CDC45: variants seen among roughly 807,000 people sequenced by gnomAD.
The protein encoded by CDC45 is cell division control protein 45 homolog.
Under a neutral mutation model 77.8 loss-of-function variants are expected in CDC45, and 54 were observed. That is an observed-to-expected ratio of 0.69 (90% CI 0.56 to 0.87). The LOEUF (loss-of-function observed/expected upper bound fraction) is 0.87, where lower values mean the gene tolerates loss of function less well. Among genes scored for constraint, CDC45 ranks in the 40% least tolerant of loss-of-function variants. The pLI is 0.00. For synonymous variants in CDC45, 260 were observed against 272.1 expected (o/e 0.96, Z 0.44); for missense variants, 649 against 721.6 (o/e 0.90, Z 1.15).
intron 12 of CDC45, 38 bp from the exon 13 acceptor site, chr22:19,508,492 C>T: frequency 6.2e-7 from 1 of 1,612,328 alleles, no homozygotes; most frequent in Non-Finnish European, 8.5e-7. Flanking sequence ...AGCTTGCCCA[C>T]AATTTGAGGG....
chr22:19,481,775 G>A (rs945810573), intron 3 of CDC45, among the ~76,000 whole-genome samples: 8 of 151,480 alleles, frequency 5.3e-5, no homozygotes, highest in Non-Finnish European at 1.2e-4. Context: ...GGGTTCAAGC[G>A]ATTCTCCTGC....
chr22:19,500,721 G>A (rs1374612213), intron 9 of CDC45, among the ~76,000 whole-genome samples: 2 of 151,864 alleles, frequency 1.3e-5, no homozygotes, highest in Non-Finnish European at 2.9e-5. Context: ...CTCCCTAAAA[G>A]CCCCAGCCCA....
chr22:19,482,814 A>G lies in CDC45; in HGVS notation c.329A>G (p.Tyr110Cys). 3 of 1,614,090 alleles carry G rather than the reference A, an allele frequency of 1.9e-6. No homozygotes were observed. Among genetic ancestry groups the G allele is most frequent in the Non-Finnish European group, 2.5e-6 (3 of 1,179,958 alleles). Residue 110 changes from tyrosine (Y) to cysteine (C), a missense_variant, in exon 4 of 19, where the codon TAC (tyrosine) becomes TGC (cysteine). By Grantham distance (194) the Tyr-to-Cys change is radical (BLOSUM62 -2). Coordinates refer to ENST00000263201, the MANE Select transcript of CDC45 (RefSeq NM_003504.5). ...AGGCCAGTCAATGTCGTCAATGTAT[A>G]CAACGATACCCAGGTACTTTTTGTG... ...THRPVNVVNVYNDTQIKLLIK... is the reference protein window; with the variant it reads ...THRPVNVVNVCNDTQIKLLIK...
chr22:19,504,369 G>A (rs1213056866), intron 9 of CDC45, among the ~76,000 whole-genome samples: 2 of 152,118 alleles, frequency 1.3e-5, no homozygotes, highest in East Asian at 1.9e-4. Flanking sequence ...GCGCTGTCTC[G>A]GCTCATCGCA....
upstream of CDC45, chr22:19,479,545 T>C: frequency 1.8e-6 from 1 of 561,944 alleles, no homozygotes. Flanking sequence ...CAAAAACCTA[T>C]TGCAAACGTA....
In CDC45 at chr22:19,507,513, A is replaced by T; in HGVS notation, c.952A>T (p.Met318Leu). ...QKRLQEFLAD[M>L]GLPLKQVKQK... ...GCGGCTCCAGGAGTTCCTTGCAGAC[A>T]TGGGGTGAGTGACTGCCTGGGCCTC... Residue 318 changes from methionine (M) to leucine (L), a missense_variant, in exon 11 of 19, where the codon ATG (methionine) becomes TTG (leucine). By Grantham distance (15) the Met-to-Leu change is conservative. Transcript: ENST00000263201. 1.2e-6 allele frequency: 2 copies of T among 1,614,112 alleles called. No homozygotes were observed.
intron 5 of CDC45, among the ~76,000 whole-genome samples, chr22:19,493,242 G>GTTTTT (rs746805343): frequency 6.8e-6 from 1 of 147,752 alleles, no homozygotes; most frequent in South Asian, 2.3e-4. Flanking sequence ...TTTTTTTGTT[G>GTTTTT]TTTTGTTTTG....
chr22:19,508,692 G>T lies in CDC45; in HGVS notation c.1217+1G>T. ...TCCAGGCTCTGGACAGCCTCTCCAG[G>T]TAGCAGGAGGGCTGTGGGTTTGCCT... On this transcript the variant is annotated splice_donor_variant, in intron 13 of 18. Coordinates refer to ENST00000263201, the MANE Select transcript of CDC45 (RefSeq NM_003504.5). LOFTEE classifies it high-confidence loss of function. 1.2e-6 allele frequency: 2 copies of T among 1,613,704 alleles called. No homozygotes were observed. Among genetic ancestry groups the T allele is most frequent in the Non-Finnish European group, 1.7e-6 (2 of 1,179,760 alleles).
At chr22:19,496,964 G>T (rs1271347202) in intron 7 of CDC45, among the ~76,000 whole-genome samples, 2 of 152,046 alleles carry the variant, frequency 1.3e-5, no homozygotes, top group African/African-American at 2.4e-5. Flanking sequence ...GTTTGAGGAC[G>T]CCAGCCAAGC....
At chr22:19,498,650 C>T (rs1401875941) in intron 8 of CDC45, among the ~76,000 whole-genome samples, 1 of 152,244 alleles carries the variant, frequency 6.6e-6, no homozygotes, top group East Asian at 1.9e-4. Context: ...GCCCCCTGTG[C>T]TGGGGGCATG....
At chr22:19,513,273 A>G (rs13447269) in intron 13 of CDC45, among the ~76,000 whole-genome samples, 1 of 152,236 alleles carries the variant, frequency 6.6e-6, no homozygotes, top group Non-Finnish European at 1.5e-5. Flanking sequence ...GACTGATAAC[A>G]ATCTTGGGTT....
chr22:19,520,135 AG>A lies in CDC45; in HGVS notation c.*2-342del, dbSNP rs1934031577. On this transcript the variant is annotated intron_variant, in intron 18 of 18. Coordinates refer to ENST00000263201, the MANE Select transcript of CDC45 (RefSeq NM_003504.5). The surrounding 1 kb of genome is among the most constrained non-coding windows in gnomAD (Gnocchi z 4.5). ...CTGCTGTGTGTCCTTCCACTGAGGC[AG>A]GGGCACAGGTGGCCTGGGCTAGGAG... Among the ~76,000 whole-genome samples the A allele has an allele frequency of 6.6e-6, 1 of 151,822 alleles. No homozygotes were observed. Among genetic ancestry groups the A allele is most frequent in the African/African-American group, 2.4e-5 (1 of 41,292 alleles).
intron 5 of CDC45, among the ~76,000 whole-genome samples, chr22:19,493,941 A>G (rs1049745202): frequency 2.6e-5 from 4 of 152,308 alleles, no homozygotes; most frequent in Middle Eastern, 6.8e-3. Context: ...AACGCATGGT[A>G]GAATATAAGA....
chr22:19,507,300 G>C, intron 10 of CDC45, 86 bp from the exon 11 acceptor site: 1 of 1,504,928 alleles, frequency 6.6e-7, no homozygotes, highest in Non-Finnish European at 9.1e-7. Flanking sequence ...AAAGGGCCCC[G>C]CCATCAGAGT....
chr22:19,507,106 C>T (rs1183369759), intron 10 of CDC45, among the ~76,000 whole-genome samples: 1 of 152,152 alleles, frequency 6.6e-6, no homozygotes, highest in Non-Finnish European at 1.5e-5. Flanking sequence ...GCCATGACTG[C>T]TCCATGTGAC....
At position 19,518,886 on chromosome 22, in the gene CDC45, C is replaced by A; in HGVS notation, c.1679C>A (p.Ala560Glu). 1 of 1,614,054 alleles carries A rather than the reference C, an allele frequency of 6.2e-7. No individual in the cohort carries two copies. Among genetic ancestry groups the A allele is most frequent in the Non-Finnish European group, 8.5e-7 (1 of 1,179,962 alleles). The change falls in exon 18 of 19, where the codon GCA becomes GAA. Residue 560 changes from alanine to glutamate, a missense_variant. By Grantham distance (107) the Ala-to-Glu change is moderately radical. Coordinates refer to ENST00000263201, the MANE Select transcript of CDC45 (RefSeq NM_003504.5). ...GAGGATCGGAGCAAGTTTCTGGACGCACTTATTTCCCTCCTGTCCTAGGGT... is the reference window on the plus strand; with the variant it reads ...GAGGATCGGAGCAAGTTTCTGGACGAACTTATTTCCCTCCTGTCCTAGGGT... ...KAEDRSKFLD[A>E]LISLLS
chr22:19,488,923 A>G (rs930119042), intron 5 of CDC45, among the ~76,000 whole-genome samples: 59 of 152,128 alleles, frequency 3.9e-4, no homozygotes, highest in African/African-American at 1.4e-3. Context: ...GTATAATATC[A>G]CGGTCAGGAT....
intron 3 of CDC45, among the ~76,000 whole-genome samples, chr22:19,481,672 CTTTA>C (rs974767327): frequency 1.3e-4 from 19 of 151,506 alleles, no homozygotes; most frequent in Non-Finnish European, 8.8e-5. Flanking sequence ...CACGCCCAGC[CTTTA>C]TTTATTTATT....
chr22:19,487,910 CA>C (rs11291499), intron 5 of CDC45, among the ~76,000 whole-genome samples: 6,921 of 68,516 alleles, frequency 0.1, 129 homozygotes, highest in South Asian at 0.29. Flanking sequence ...GACTCCGTCT[CA>C]AAAAAAAAAA....
Sources: allele counts gnomAD v4.1 joint callset (sites outside exome capture counted in the v4.1 genomes callset), GRCh38; gene constraint gnomAD v4.1.1; non-coding constraint Gnocchi (gnomAD v3.1); transcripts MANE v1.5; gene names NCBI Gene and HGNC (gene_info 2026-07-23, HGNC 2026-07-21).